DYNC2I2: variants seen among roughly 807,000 people sequenced by gnomAD.
DYNC2I2 encodes the protein dynein 2 intermediate chain 2.
DYNC2I2 carries 39 observed loss-of-function variants against 52.0 expected under a neutral mutation model. The observed-to-expected ratio is 0.75, with a 90% CI of 0.58 to 0.98. The LOEUF is 0.98. Ranked by LOEUF, DYNC2I2 falls within the 50% of genes least tolerant of loss-of-function variation. DYNC2I2 has a pLI of 0.00. For missense variants in DYNC2I2, 743 were observed against 728.4 expected, an observed-to-expected ratio of 1.02 and a Z score of -0.23; for synonymous variants, 359 against 321.1, an observed-to-expected ratio of 1.12 and a Z score of -1.26.
chr9:128,636,962 G>C lies in DYNC2I2; in HGVS notation c.501C>G (p.Ile167Met). The C allele has an allele frequency of 6.2e-7, 1 of 1,613,446 alleles. No homozygotes were observed. The highest frequency in any genetic ancestry group is 1.1e-5 in the South Asian group (1 of 91,086). The change falls in exon 3 of 9, where the codon ATC becomes ATG. Residue 167 changes from isoleucine (I) to methionine (M), a missense_variant. Physicochemically the swap from Ile to Met is conservative, Grantham distance 10 (BLOSUM62 1). Coordinates refer to ENST00000372715, the MANE Select transcript of DYNC2I2 (RefSeq NM_052844.4). ...CCACAGAGCCAGTGGAGTTCCAGGA[G>C]ATGCTGGTCACATGCAGACCCTGCG... ...AQAQGLHVTS[I>M]SWNSTGSVVA...
intron 1 of DYNC2I2, among the ~76,000 whole-genome samples, chr9:128,646,068 G>A (rs1860612349): frequency 6.6e-6 from 1 of 152,190 alleles, no homozygotes; most frequent in Non-Finnish European, 1.5e-5. Flanking sequence ...TGAGGTTTAA[G>A]GGAAGAAGCC....
chr9:128,635,861 GC>G, intron 4 of DYNC2I2, 94 bp from the exon 5 acceptor site: 2 of 1,206,786 alleles, frequency 1.7e-6, no homozygotes, highest in Non-Finnish European at 2.4e-6. Context: ...CAGGGCCAGG[GC>G]CAGGGCCAGG....
At chr9:128,636,117 C>T (rs1226349188) in intron 4 of DYNC2I2, 164 bp downstream of exon 4, 1 of 1,122,786 alleles carries the variant, frequency 8.9e-7, no homozygotes, top group South Asian at 1.3e-5. Context: ...AGTTCCACCC[C>T]TCAGGGCTCA....
At chr9:128,634,010 AAG>A (rs1190796072) in intron 8 of DYNC2I2, 28 bp from the exon 9 acceptor site, 1 of 1,611,492 alleles carries the variant, frequency 6.2e-7, no homozygotes, top group Non-Finnish European at 8.5e-7. Flanking sequence ...TACGTGGAGT[AAG>A]AGAAACTCTA....
intron 1 of DYNC2I2, among the ~76,000 whole-genome samples, chr9:128,649,819 C>T (rs1376850291): frequency 1.5e-5 from 1 of 66,890 alleles, no homozygotes; most frequent in Non-Finnish European, 4.9e-5. Flanking sequence ...ATGGTGAAAC[C>T]CCATCTCTAC....
At chr9:128,656,446 C>A in intron 1 of DYNC2I2, 95 bp downstream of exon 1, 1 of 1,072,470 alleles carries the variant, frequency 9.3e-7, no homozygotes, top group Non-Finnish European at 1.2e-6. Context: ...CGAACCCGCC[C>A]GGCAGCCACG....
chr9:128,667,955 TCTC>T, the DYNC2I2 span, among the ~76,000 whole-genome samples: 1 of 105,454 alleles, frequency 9.5e-6, no homozygotes, highest in Admixed American at 1.1e-4. Context: ...ATGGTCTCGA[TCTC>T]TTTTTTTTTT....
intron 1 of DYNC2I2, among the ~76,000 whole-genome samples, chr9:128,647,326 C>CG (rs1053069287): frequency 3.3e-5 from 5 of 152,104 alleles, no homozygotes; most frequent in Non-Finnish European, 7.3e-5. Context: ...AAGCCGCCCC[C>CG]GGGGGAAGTC....
chr9:128,656,875 T>A, upstream of DYNC2I2: 1 of 801,802 alleles, frequency 1.2e-6, no homozygotes, highest in Non-Finnish European at 1.8e-6. Context: ...GAAAGAAAAG[T>A]AACGATTCTT....
rs1007431672 is a variant in DYNC2I2 at position 128,652,300 on chromosome 9, C to T, written c.186+4241G>A. On this transcript the variant is annotated intron_variant, in intron 1 of 8. Transcript: ENST00000372715. ...TACAAAAATTAGCTGGGCATGGTGG[C>T]AGGCACTTGTAATCCCAGCTACTCA... 3.3e-5 allele frequency among the ~76,000 whole-genome samples: 5 copies of T among 150,546 alleles called. 1 individual carries two copies. The highest frequency in any genetic ancestry group is 1.2e-4 in the African/African-American group (5 of 40,134).
chr9:128,673,832 A>G, the DYNC2I2 span, among the ~76,000 whole-genome samples: 1 of 124,440 alleles, frequency 8.0e-6, no homozygotes, highest in Non-Finnish European at 1.6e-5. Context: ...TTTTGAGATG[A>G]AGTTTCACTC....
the DYNC2I2 span, chr9:128,683,423 T>C: frequency 4.5e-6 from 1 of 222,320 alleles, no homozygotes; most frequent in Non-Finnish European, 9.0e-6. Context: ...GGGTGTGGTT[T>C]ACTGAGGAAT....
the DYNC2I2 span, among the ~76,000 whole-genome samples, chr9:128,672,083 C>T: frequency 6.3e-3 from 962 of 152,032 alleles, 6 homozygotes; most frequent in African/African-American, 0.022. Context: ...ACACCATTCT[C>T]CTGCCTCAGC....
upstream of DYNC2I2, among the ~76,000 whole-genome samples, chr9:128,660,185 T>C (rs1167863754): frequency 6.6e-6 from 1 of 151,984 alleles, no homozygotes; most frequent in Non-Finnish European, 1.5e-5. Flanking sequence ...CTCGGCTCAC[T>C]GCAACCTCCG....
the DYNC2I2 span, among the ~76,000 whole-genome samples, chr9:128,669,003 G>A: frequency 8.6e-5 from 13 of 151,906 alleles, no homozygotes; most frequent in Middle Eastern, 3.4e-3. Flanking sequence ...GACCGAGGCC[G>A]GTGGATCACC....
At chr9:128,646,027 GAA>G (rs1860611473) in intron 1 of DYNC2I2, among the ~76,000 whole-genome samples, 1 of 152,172 alleles carries the variant, frequency 6.6e-6, no homozygotes, top group African/African-American at 2.4e-5. Context: ...AGCTGCAGAA[GAA>G]AAGTGTGAAG....
the DYNC2I2 span, among the ~76,000 whole-genome samples, chr9:128,670,752 GAAA>G: frequency 0.96 from 139,803 of 144,972 alleles, 67,463 homozygotes; most frequent in Non-Finnish European, 0.99. Flanking sequence ...AACAACAAAA[GAAA>G]AAAAAAAAAA....
chr9:128,682,833 G>A, the DYNC2I2 span, among the ~76,000 whole-genome samples: 5 of 151,088 alleles, frequency 3.3e-5, no homozygotes, highest in East Asian at 2.0e-4. Flanking sequence ...CCACCTCCAC[G>A]CTCGGCTGAT....
rs557781680 is a variant in DYNC2I2 at position 128,637,032 on chromosome 9, G to A, written c.436-5C>T. ...CAGGGTATACAGACAAGACACCTGC[G>A]GAGACGTCCCCAACCCTGAGTCCAA... On this transcript the variant is annotated splice_polypyrimidine_tract_variant and splice_region_variant and intron_variant, in intron 2 of 8. Transcript: ENST00000372715. The A allele has an allele frequency of 2.5e-5, 40 of 1,610,638 alleles. 1 individual carries two copies. Among genetic ancestry groups the A allele is most frequent in the African/African-American group, 4.0e-5 (3 of 75,004 alleles).
Sources: allele counts gnomAD v4.1 joint callset (sites outside exome capture counted in the v4.1 genomes callset), GRCh38; gene constraint gnomAD v4.1.1; transcripts MANE v1.5; gene names NCBI Gene and HGNC (gene_info 2026-07-23, HGNC 2026-07-21).